GALNT13: variants seen among roughly 807,000 people sequenced by gnomAD.
GALNT13 encodes polypeptide N-acetylgalactosaminyltransferase 13, also known as UDP-GalNAc:polypeptide N-acetylgalactosaminyltransferase 13.
Under a neutral mutation model 64.2 loss-of-function variants are expected in GALNT13, and 28 were observed. The ratio of observed to expected loss-of-function variants is 0.44; its 90% CI spans 0.32 to 0.60. GALNT13 has a LOEUF of 0.60. GALNT13 is among the 20% of genes least tolerant of loss of function. The pLI is 0.05. For missense variants in GALNT13, 577 were observed against 669.8 expected (o/e 0.86, Z 1.53); for synonymous variants, 214 against 224.6 (o/e 0.95, Z 0.42).
chr2:153,547,182 T>A, the GALNT13 span, among the ~76,000 whole-genome samples: 3 of 152,228 alleles, frequency 2.0e-5, no homozygotes, highest in Non-Finnish European at 2.9e-5. Flanking sequence ...TACTGCATAT[T>A]TTCAGTTCTT....
the GALNT13 span, among the ~76,000 whole-genome samples, chr2:153,498,866 T>G: frequency 6.6e-6 from 1 of 151,948 alleles, no homozygotes; most frequent in African/African-American, 2.4e-5. Flanking sequence ...TTTTTTTTTT[T>G]GAGACGGAGT....
At chr2:153,278,866 G>C in the GALNT13 span, among the ~76,000 whole-genome samples, 1 of 151,988 alleles carries the variant, frequency 6.6e-6, no homozygotes, top group African/African-American at 2.4e-5. Flanking sequence ...ACGAGTTTTA[G>C]AACAGTTTTT....
the GALNT13 span, among the ~76,000 whole-genome samples, chr2:153,142,607 C>T: frequency 6.6e-5 from 10 of 150,384 alleles, no homozygotes; most frequent in East Asian, 2.0e-4. Flanking sequence ...AAAGTGAGAC[C>T]GAGAGCAAGA....
the GALNT13 span, among the ~76,000 whole-genome samples, chr2:153,211,152 T>C: frequency 3.3e-5 from 5 of 152,150 alleles, no homozygotes; most frequent in African/African-American, 1.2e-4. Context: ...TTTGTTGTTG[T>C]TGTTGAGACA....
At chr2:154,285,434 T>C (rs1692208846) in intron 8 of GALNT13, among the ~76,000 whole-genome samples, 1 of 152,166 alleles carries the variant, frequency 6.6e-6, no homozygotes, top group African/African-American at 2.4e-5. Flanking sequence ...TTCTTTTGCA[T>C]GTGGATATCA....
the GALNT13 span, among the ~76,000 whole-genome samples, chr2:153,209,477 T>C: frequency 6.6e-6 from 1 of 152,220 alleles, no homozygotes; most frequent in African/African-American, 2.4e-5. Flanking sequence ...ACTTTACTGA[T>C]CATGTATGTG....
At chr2:153,658,162 A>G in the GALNT13 span, among the ~76,000 whole-genome samples, 5 of 152,078 alleles carry the variant, frequency 3.3e-5, no homozygotes, top group African/African-American at 1.2e-4. Context: ...CAGCTTTCCT[A>G]TTATTGTACA....
the GALNT13 span, among the ~76,000 whole-genome samples, chr2:153,167,981 C>A: frequency 6.6e-6 from 1 of 152,170 alleles, no homozygotes; most frequent in African/African-American, 2.4e-5. Context: ...AGTGTTTCTT[C>A]TCTCAAAATG....
chr2:153,773,283 G>A, the GALNT13 span, among the ~76,000 whole-genome samples: 1 of 152,178 alleles, frequency 6.6e-6, no homozygotes, highest in Non-Finnish European at 1.5e-5. Context: ...ACCTAGGTCG[G>A]GTGGGCTTTG....
rs6753493 is a variant in GALNT13 at position 153,897,440 on chromosome 2, C to T, written c.-176-3496C>T. ...CACAAAAGTGATGTTGTGTTCTTCT[C>T]AAGTGCATCATACTTGGAGGCATGT... On this transcript the variant is annotated intron_variant, in intron 1 of 12. Coordinates refer to ENST00000392825, the MANE Select transcript of GALNT13 (RefSeq NM_052917.4). 9.6e-3 allele frequency among the ~76,000 whole-genome samples: 1,455 copies of T among 152,186 alleles called. 21 individuals carry two copies. The highest frequency in any genetic ancestry group is 0.033 in the African/African-American group (1,377 of 41,548).
chr2:154,425,890 T>C (rs1247361066), intron 11 of GALNT13, among the ~76,000 whole-genome samples: 1 of 152,228 alleles, frequency 6.6e-6, no homozygotes, highest in Non-Finnish European at 1.5e-5. Context: ...GGAGATGATG[T>C]CTCACATGGT....
At chr2:153,576,274 T>A in the GALNT13 span, among the ~76,000 whole-genome samples, 1 of 152,088 alleles carries the variant, frequency 6.6e-6, no homozygotes, top group African/African-American at 2.4e-5. Flanking sequence ...GGTCTCTTAG[T>A]AGGTCGAGTG....
the GALNT13 span, among the ~76,000 whole-genome samples, chr2:153,275,805 T>G: frequency 6.6e-6 from 1 of 152,086 alleles, no homozygotes; most frequent in African/African-American, 2.4e-5. Context: ...CCATGGCAGA[T>G]TACAAGAAGT....
chr2:153,995,305 AT>A (rs1307692482), intron 3 of GALNT13, among the ~76,000 whole-genome samples: 1 of 152,126 alleles, frequency 6.6e-6, no homozygotes, highest in Non-Finnish European at 1.5e-5. Flanking sequence ...CTCTCAGTTC[AT>A]TTTAATTAAA....
At position 154,044,013 on chromosome 2, in the gene GALNT13, A is replaced by C. The variant is rs942667775; in HGVS notation, c.143-96324A>C. Among the ~76,000 whole-genome samples, 15 of 152,152 alleles carry C rather than the reference A, an allele frequency of 9.9e-5. 1 individual carries two copies. The highest frequency in any genetic ancestry group is 9.8e-4 in the Admixed American group (15 of 15,264). On this transcript the variant is annotated intron_variant, in intron 3 of 12. Transcript: ENST00000392825. ...CTTGAACCCAGAAGGCAGAGGTTGC[A>C]GTGAGCAGAGATGGCACCACTGCAC...
chr2:153,803,691 CAAAA>C, the GALNT13 span, among the ~76,000 whole-genome samples: 1 of 105,116 alleles, frequency 9.5e-6, no homozygotes. Context: ...GACTCTGTCT[CAAAA>C]AAAAAAAAAA....
the GALNT13 span, among the ~76,000 whole-genome samples, chr2:153,161,740 G>A: frequency 1.3e-5 from 2 of 152,124 alleles, no homozygotes; most frequent in African/African-American, 4.8e-5. Flanking sequence ...GAGAAGGACT[G>A]GGCTCAGGTT....
At chr2:153,888,736 A>G (rs1687352426) in intron 1 of GALNT13, among the ~76,000 whole-genome samples, 1 of 152,038 alleles carries the variant, frequency 6.6e-6, no homozygotes, top group Non-Finnish European at 1.5e-5. Context: ...CATGAGGTTA[A>G]CCATTTTCAA....
the GALNT13 span, among the ~76,000 whole-genome samples, chr2:153,747,577 G>A: frequency 2.6e-5 from 4 of 151,686 alleles, no homozygotes; most frequent in Admixed American, 1.3e-4. Context: ...ACGGGTGCAC[G>A]CCACCATGCC....
Sources: allele counts gnomAD v4.1 joint callset (sites outside exome capture counted in the v4.1 genomes callset), GRCh38; gene constraint gnomAD v4.1.1; transcripts MANE v1.5; gene names NCBI Gene and HGNC (gene_info 2026-07-23, HGNC 2026-07-21).